Variants in PRXL2A observed in about 807,000 individuals in gnomAD.
The protein encoded by PRXL2A is peroxiredoxin-like 2A.
A neutral mutation model predicts 25.6 loss-of-function variants in PRXL2A; 26 were observed. The observed-to-expected ratio is 1.02, with a 90% CI of 0.74 to 1.41. The LOEUF (loss-of-function observed/expected upper bound fraction) is 1.41. PRXL2A is among the 40% of genes most tolerant of loss of function. The pLI is 0.00. For synonymous variants in PRXL2A, 98 were observed against 102.9 expected (o/e 0.95, Z 0.29); for missense variants, 246 against 273.9 (o/e 0.90, Z 0.72).
chr10:80,429,629 C>T lies in PRXL2A; in HGVS notation c.576+2133C>T, dbSNP rs558807880. On this transcript the variant is annotated intron_variant, in intron 5 of 5. Coordinates refer to ENST00000606162, the MANE Select transcript of PRXL2A (RefSeq NM_032333.5). ...CCTGCCCTGCCCCTAGCCTCTCCTG[C>T]CCTGCCCTGCCCCTAGCCTCTCCTG... 2.2e-4 allele frequency among the ~76,000 whole-genome samples: 31 copies of T among 143,210 alleles called. 1 individual carries two copies. The South Asian group carries it at 6.9e-3, about 32-fold the overall frequency. The allele number at this position is 143,210 out of a possible 152,430, so 94.0% of individuals were successfully genotyped here.
chr10:80,420,144 A>C lies in PRXL2A; in HGVS notation c.-2-322A>C. Reference sequence around the variant, plus strand: ...AGGGGACATAGCTCGGCACAGCTCCACAGAGCTAGGGGCTGCAACTTGGGG... The same window carrying C: ...AGGGGACATAGCTCGGCACAGCTCCCCAGAGCTAGGGGCTGCAACTTGGGG... On this transcript the variant is annotated intron_variant, in intron 1 of 5. Coordinates refer to ENST00000606162, the MANE Select transcript of PRXL2A (RefSeq NM_032333.5). 2.0e-6 allele frequency: 2 copies of C among 1,013,390 alleles called. 1 individual carries two copies. The highest frequency in any genetic ancestry group is 8.9e-5 in the South Asian group (2 of 22,582). The allele number at this position is 1,013,390 out of a possible 1,614,324, so 62.8% of individuals were successfully genotyped here.
intron 3 of PRXL2A, among the ~76,000 whole-genome samples, chr10:80,423,403 T>C (rs907490741): frequency 6.6e-6 from 1 of 152,224 alleles, no homozygotes; most frequent in African/African-American, 2.4e-5. Context: ...GGGAGAAAAC[T>C]GGGAATGACA....
intron 1 of PRXL2A, among the ~76,000 whole-genome samples, chr10:80,409,251 A>T (rs1844396087): frequency 6.6e-6 from 1 of 152,142 alleles, no homozygotes; most frequent in Non-Finnish European, 1.5e-5. Flanking sequence ...AGCCCTGCTG[A>T]GGTCTAGGAA....
intron 1 of PRXL2A, among the ~76,000 whole-genome samples, chr10:80,419,469 C>T (rs991257576): frequency 2.8e-4 from 42 of 151,638 alleles, no homozygotes; most frequent in African/African-American, 8.2e-4. Context: ...CCACCACGCC[C>T]GGCTAATTTT....
chr10:80,420,599 G>A lies in PRXL2A; in HGVS notation c.132G>A (p.Ala44=), dbSNP rs141706830. ...TGTTTCTGTCCAAGCCCCAGAAAGC[G>A]GCCCTGGAGTACCTGGAGGATATAG... ...TDVFLSKPQK[A]ALEYLEDIDL... is the part of the protein sequence containing the mutation. Residue 44 remains alanine, a synonymous_variant, in exon 2 of 6, where the codon GCG becomes GCA. Transcript: ENST00000606162. 904 of 1,613,766 alleles carry A rather than the reference G, an allele frequency of 5.6e-4. 2 individuals carry two copies. The highest frequency in any genetic ancestry group is 2.5e-4 in the Non-Finnish European group (298 of 1,179,858).
intron 1 of PRXL2A, chr10:80,420,177 A>G: frequency 9.4e-7 from 1 of 1,058,638 alleles, no homozygotes; most frequent in Non-Finnish European, 1.1e-6. Context: ...GGGCATGAGA[A>G]GAGAGAGCAG....
At chr10:80,429,024 C>T (rs1454123838) in intron 5 of PRXL2A, among the ~76,000 whole-genome samples, 1 of 152,098 alleles carries the variant, frequency 6.6e-6, no homozygotes, top group African/African-American at 2.4e-5. Flanking sequence ...GCCTCAGCCT[C>T]CTGAGTAGCT....
chr10:80,426,498 A>T (rs912410217), intron 4 of PRXL2A, among the ~76,000 whole-genome samples: 2 of 152,178 alleles, frequency 1.3e-5, no homozygotes, highest in Non-Finnish European at 1.5e-5. Context: ...AGATATTTCA[A>T]CTTATGATGG....
At chr10:80,419,492 G>A (rs1163245227) in intron 1 of PRXL2A, among the ~76,000 whole-genome samples, 1 of 147,934 alleles carries the variant, frequency 6.8e-6, no homozygotes, top group Non-Finnish European at 1.5e-5. Context: ...ATTTTTAGTA[G>A]AGATGAGGTT....
In PRXL2A at chr10:80,420,662, C is replaced by G. The variant is rs1053181855; in HGVS notation, c.178+17C>G. The stretch of plus-strand genomic sequence containing the variant: ...TGGAGAAGGGTAAGTGGTGACCCTT[C>G]AGGTCTCAGTACTTTTCCAAGGAGC... On this transcript the variant is annotated intron_variant, in intron 2 of 5. Transcript: ENST00000606162. 1 of 1,553,366 alleles carries G rather than the reference C, an allele frequency of 6.4e-7. No homozygotes were observed. Among genetic ancestry groups the G allele is most frequent in the African/African-American group, 1.4e-5 (1 of 73,334 alleles).
Position 80,425,972 on chromosome 10 carries a change from C to G in PRXL2A, c.377C>G (p.Pro126Arg). ...HIRTEVKDFQ[P>R]YFKGEIFLDE... is the part of the protein sequence containing the mutation. ...AGGACTGAAGTGAAGGATTTCCAGC[C>G]TTATTTCAAAGGAGAAATCTTCCTG... Residue 126 changes from proline to arginine, a missense_variant, in exon 4 of 6, where the codon CCT (proline) becomes CGT (arginine). Transcript: ENST00000606162. 6.2e-7 allele frequency: 1 copy of G among 1,614,220 alleles called. No individual in the cohort carries two copies. The highest frequency in any genetic ancestry group is 1.7e-5 in the Admixed American group (1 of 60,022).
chr10:80,432,531 C>T lies in PRXL2A; in HGVS notation c.*432C>T. The T allele has an allele frequency of 1.3e-5, 2 of 154,570 alleles. No individual in the cohort carries two copies. Among genetic ancestry groups the T allele is most frequent in the Admixed American group, 6.5e-5 (1 of 15,284 alleles). The allele number at this position is 154,570 out of a possible 1,614,324, so 9.6% of individuals were successfully genotyped here. On this transcript the variant is annotated 3_prime_UTR_variant, in exon 6 of 6. Coordinates refer to ENST00000606162, the MANE Select transcript of PRXL2A (RefSeq NM_032333.5). ...TGGCAGGCACCTGTAGTCCCAGCTACCCGGGAGGCTGAGGCAGGAGAATCA... is the reference window on the plus strand; with the variant it reads ...TGGCAGGCACCTGTAGTCCCAGCTATCCGGGAGGCTGAGGCAGGAGAATCA...
intron 5 of PRXL2A, among the ~76,000 whole-genome samples, chr10:80,430,954 A>G (rs1845235016): frequency 6.6e-6 from 1 of 152,078 alleles, no homozygotes; most frequent in Admixed American, 6.5e-5. Flanking sequence ...CAGTGGCGCG[A>G]TCTCGGCTCA....
At chr10:80,418,223 A>G (rs918356865) in intron 1 of PRXL2A, among the ~76,000 whole-genome samples, 16 of 151,580 alleles carry the variant, frequency 1.1e-4, no homozygotes, top group Admixed American at 3.9e-4. Flanking sequence ...CTTCATGTCC[A>G]TGTATACTAT....
intron 5 of PRXL2A, 57 bp downstream of exon 5, chr10:80,427,553 C>T (rs1361318207): frequency 1.3e-6 from 2 of 1,571,684 alleles, no homozygotes; most frequent in Middle Eastern, 1.7e-4. Flanking sequence ...GAGTGTGAGA[C>T]TCCAACCAGA....
chr10:80,418,007 C>A (rs551858245), intron 1 of PRXL2A, among the ~76,000 whole-genome samples: 1 of 151,998 alleles, frequency 6.6e-6, no homozygotes, highest in East Asian at 1.9e-4. Flanking sequence ...CGCACTCAAC[C>A]AAGGTTCTCT....
chr10:80,426,341 C>G (rs980933401), intron 4 of PRXL2A, among the ~76,000 whole-genome samples: 2 of 152,206 alleles, frequency 1.3e-5, no homozygotes, highest in African/African-American at 2.4e-5. Flanking sequence ...ATTCAATAGA[C>G]TACATAAGTT....
chr10:80,410,384 G>A (rs577750742), intron 1 of PRXL2A, among the ~76,000 whole-genome samples: 70 of 152,362 alleles, frequency 4.6e-4, no homozygotes, highest in Non-Finnish European at 6.5e-4. Flanking sequence ...AGCATGGAGC[G>A]GGCCTGCAGG....
chr10:80,423,501 C>T (rs1362838086), intron 3 of PRXL2A, among the ~76,000 whole-genome samples: 1 of 152,212 alleles, frequency 6.6e-6, no homozygotes, highest in Admixed American at 6.5e-5. Flanking sequence ...GGTTCCCCTC[C>T]CTGACCCTGA....
Sources: allele counts gnomAD v4.1 joint callset (sites outside exome capture counted in the v4.1 genomes callset), GRCh38; gene constraint gnomAD v4.1.1; transcripts MANE v1.5; gene names NCBI Gene and HGNC (gene_info 2026-07-23, HGNC 2026-07-21).